KCNB2: variants seen among roughly 807,000 people sequenced by gnomAD.
The protein encoded by KCNB2 is delayed rectifier potassium channel protein.
In KCNB2, 15 loss-of-function variants were observed where a neutral mutation model predicts 61.5. That is an observed-to-expected ratio of 0.24 (90% confidence interval 0.16 to 0.38). The LOEUF (loss-of-function observed/expected upper bound fraction) is 0.38, where lower values mean the gene tolerates loss of function less well. Ranked by LOEUF, KCNB2 falls within the 10% of genes least tolerant of loss-of-function variation. KCNB2 has a pLI of 1.00. For missense variants in KCNB2, 828 were observed against 1,125.2 expected, an observed-to-expected ratio of 0.74 and a Z score of 3.78; for synonymous variants, 457 against 446.0, an observed-to-expected ratio of 1.02 and a Z score of -0.31.
chr8:72,798,238 A>G (rs1340759193), intron 2 of KCNB2, among the ~76,000 whole-genome samples: 2 of 152,160 alleles, frequency 1.3e-5, no homozygotes, highest in African/African-American at 4.8e-5. Context: ...CTTTCCTGTT[A>G]TGTTTTAAGA....
In KCNB2 at chr8:72,541,146, A is replaced by C. The variant is rs185747133; in HGVS notation, c.-94+3261A>C. Among the ~76,000 whole-genome samples the C allele has an allele frequency of 3.3e-5, 5 of 151,938 alleles. No individual in the cohort carries two copies. The East Asian group carries it at 9.6e-4, about 29-fold the overall frequency. On this transcript the variant is annotated intron_variant, in intron 1 of 2. Coordinates refer to ENST00000523207, the MANE Select transcript of KCNB2 (RefSeq NM_004770.3). ...AGGATCATGAAAATTTTCACAAACT[A>C]TGCATTTGGCAGTTGTTATAAAACA...
At chr8:72,547,080 T>C (rs1806270683) in intron 1 of KCNB2, among the ~76,000 whole-genome samples, 2 of 152,226 alleles carry the variant, frequency 1.3e-5, no homozygotes, top group Non-Finnish European at 2.9e-5. Context: ...AAATTTACTC[T>C]GCCTATGCTT....
chr8:72,863,877 G>A (rs573584235), intron 2 of KCNB2, among the ~76,000 whole-genome samples: 1 of 152,164 alleles, frequency 6.6e-6, no homozygotes, highest in African/African-American at 2.4e-5. Context: ...GGTGGCATGT[G>A]CCTATGGTCC....
intron 2 of KCNB2, among the ~76,000 whole-genome samples, chr8:72,737,670 G>A (rs1426457007): frequency 6.6e-6 from 1 of 152,120 alleles, no homozygotes; most frequent in East Asian, 1.9e-4. Context: ...AAATTTATTA[G>A]TACTAACTAG....
At chr8:72,863,082 T>A (rs1805447269) in intron 2 of KCNB2, among the ~76,000 whole-genome samples, 1 of 152,198 alleles carries the variant, frequency 6.6e-6, no homozygotes. Context: ...AGAAGTACAG[T>A]TTCATTCTCT....
chr8:72,731,467 C>A (rs1389071602), intron 2 of KCNB2, among the ~76,000 whole-genome samples: 1 of 152,190 alleles, frequency 6.6e-6, no homozygotes, highest in Non-Finnish European at 1.5e-5. Flanking sequence ...TGCCCATTAA[C>A]CAAGTGTTAC....
At chr8:72,896,769 T>C (rs1284873891) in intron 2 of KCNB2, among the ~76,000 whole-genome samples, 1 of 152,142 alleles carries the variant, frequency 6.6e-6, no homozygotes, top group South Asian at 2.1e-4. Flanking sequence ...ACCATCTTAA[T>C]GGAGGGTTCT....
intron 2 of KCNB2, among the ~76,000 whole-genome samples, chr8:72,827,954 A>T (rs573531671): frequency 4.4e-4 from 67 of 152,178 alleles, no homozygotes; most frequent in African/African-American, 1.2e-3. Flanking sequence ...CTGGGATTAC[A>T]GGTGCCTGCC....
At chr8:72,883,155 C>A (rs912263561) in intron 2 of KCNB2, among the ~76,000 whole-genome samples, 1 of 152,192 alleles carries the variant, frequency 6.6e-6, no homozygotes, top group Non-Finnish European at 1.5e-5. Context: ...GGGGGAGGGT[C>A]CACTTCACTA....
At chr8:72,576,779 A>G (rs570311971) in intron 2 of KCNB2, among the ~76,000 whole-genome samples, 2 of 152,326 alleles carry the variant, frequency 1.3e-5, no homozygotes, top group Admixed American at 6.5e-5. Context: ...TATAAGCAAA[A>G]CATTGAAGGA....
intron 2 of KCNB2, among the ~76,000 whole-genome samples, chr8:72,883,648 C>A (rs1054843965): frequency 2.0e-5 from 3 of 152,168 alleles, no homozygotes; most frequent in South Asian, 2.1e-4. Context: ...AAGCTCCCCC[C>A]AGTATCCCTC....
intron 2 of KCNB2, among the ~76,000 whole-genome samples, chr8:72,716,958 A>C: frequency 6.6e-6 from 1 of 152,066 alleles, no homozygotes; most frequent in Non-Finnish European, 1.5e-5. Context: ...AAGCAACTTC[A>C]GCAAAGTCTC....
At position 72,561,776 on chromosome 8, in the gene KCNB2, T is replaced by TAC. The variant is rs1229072888; in HGVS notation, c.-93-5866_-93-5865insAC. 8.4e-4 allele frequency among the ~76,000 whole-genome samples: 22 copies of TAC among 26,260 alleles called. 1 individual carries two copies. The highest frequency in any genetic ancestry group is 2.2e-3 in the East Asian group (2 of 928). The allele number at this position is 26,260 out of a possible 152,430, so 17.2% of individuals were successfully genotyped here. A position where few individuals can be genotyped will look rare whatever the true frequency, so the allele number is the denominator to read the frequency against. On this transcript the variant is annotated intron_variant, in intron 1 of 2. Transcript: ENST00000523207. ...ATATATATATGGATATATATATATA[T>TAC]GGATATATATATACATATATATATA...
At chr8:72,561,508 G>A (rs1806511427) in intron 1 of KCNB2, among the ~76,000 whole-genome samples, 1 of 150,490 alleles carries the variant, frequency 6.6e-6, no homozygotes, top group Non-Finnish European at 1.5e-5. Flanking sequence ...TTGCAGAAAA[G>A]AAATGTCACC....
intron 2 of KCNB2, among the ~76,000 whole-genome samples, chr8:72,883,759 A>G (rs949608346): frequency 1.3e-5 from 2 of 152,210 alleles, no homozygotes; most frequent in Admixed American, 1.3e-4. Flanking sequence ...ACCATTTGAC[A>G]GGCCCATTTT....
intron 2 of KCNB2, among the ~76,000 whole-genome samples, chr8:72,662,956 G>A (rs1165592177): frequency 1.3e-5 from 2 of 152,126 alleles, no homozygotes; most frequent in African/African-American, 4.8e-5. Context: ...GAAAACTGAT[G>A]ATCAGAATGA....
At chr8:72,577,212 G>A (rs1806809047) in intron 2 of KCNB2, among the ~76,000 whole-genome samples, 1 of 152,122 alleles carries the variant, frequency 6.6e-6, no homozygotes, top group Non-Finnish European at 1.5e-5. Context: ...TCAAGTTTCT[G>A]TGTCTACGGT....
At chr8:72,704,094 G>A (rs1222858658) in intron 2 of KCNB2, among the ~76,000 whole-genome samples, 1 of 152,182 alleles carries the variant, frequency 6.6e-6, no homozygotes, top group Non-Finnish European at 1.5e-5. Flanking sequence ...GATAATGTCA[G>A]TGACCATGAA....
At chr8:72,849,733 C>T (rs1474192943) in intron 2 of KCNB2, among the ~76,000 whole-genome samples, 6 of 152,168 alleles carry the variant, frequency 3.9e-5, no homozygotes. Context: ...AGGAGCTCTC[C>T]TGGTATCCAC....
Sources: allele counts gnomAD v4.1 joint callset (sites outside exome capture counted in the v4.1 genomes callset), GRCh38; gene constraint gnomAD v4.1.1; transcripts MANE v1.5; gene names NCBI Gene and HGNC (gene_info 2026-07-23, HGNC 2026-07-21).